NFIA: variants seen among roughly 807,000 people sequenced by gnomAD.
NFIA encodes the protein nuclear factor 1 A-type.
Under a neutral mutation model 62.8 loss-of-function variants are expected in NFIA, and 8 were observed. That is an observed-to-expected ratio of 0.13 (90% CI 0.07 to 0.23). The LOEUF is 0.23. NFIA is among the 10% of genes least tolerant of loss of function. The pLI, the probability that NFIA is intolerant of heterozygous loss-of-function variation, is 1.00. For missense variants in NFIA, 410 were observed against 642.1 expected, an observed-to-expected ratio of 0.64 and a Z score of 3.91; for synonymous variants, 235 against 238.1, an observed-to-expected ratio of 0.99 and a Z score of 0.12.
intron 2 of NFIA, among the ~76,000 whole-genome samples, chr1:61,150,505 T>C (rs1648322160): frequency 6.6e-6 from 1 of 152,204 alleles, no homozygotes; most frequent in African/African-American, 2.4e-5. Context: ...AGAAATTCTA[T>C]AACTAGAAAT....
intron 10 of NFIA, among the ~76,000 whole-genome samples, chr1:61,433,128 A>G (rs1423808676): frequency 6.6e-6 from 1 of 152,210 alleles, no homozygotes; most frequent in African/African-American, 2.4e-5. Flanking sequence ...ACACTCTTAT[A>G]TCAAGGAATC....
intron 4 of NFIA, among the ~76,000 whole-genome samples, chr1:61,351,382 A>G (rs1046757543): frequency 6.6e-6 from 1 of 152,224 alleles, no homozygotes; most frequent in African/African-American, 2.4e-5. Flanking sequence ...TCCCTGGTTC[A>G]TGATAACCCT....
intron 2 of NFIA, among the ~76,000 whole-genome samples, chr1:61,154,575 T>C (rs531985912): frequency 6.6e-6 from 1 of 152,306 alleles, no homozygotes; most frequent in Admixed American, 6.5e-5. Context: ...CTCAGCCTCC[T>C]GAGTAACTGG....
intron 9 of NFIA, among the ~76,000 whole-genome samples, chr1:61,413,580 C>T (rs1015862354): frequency 1.4e-5 from 2 of 145,792 alleles, no homozygotes; most frequent in African/African-American, 5.1e-5. Context: ...CAGCTGTCTG[C>T]TACTGTCAGA....
At chr1:61,167,011 C>T (rs889421157) in intron 2 of NFIA, among the ~76,000 whole-genome samples, 1 of 152,076 alleles carries the variant, frequency 6.6e-6, no homozygotes, top group Non-Finnish European at 1.5e-5. Flanking sequence ...CGAGGTGGCA[C>T]ACACCTGTAA....
intron 2 of NFIA, among the ~76,000 whole-genome samples, chr1:61,116,968 T>A (rs1055422413): frequency 2.0e-5 from 3 of 152,234 alleles, no homozygotes; most frequent in Non-Finnish European, 4.4e-5. Context: ...ATGCCTTTTT[T>A]ATGACAAGAA....
intron 10 of NFIA, among the ~76,000 whole-genome samples, chr1:61,428,540 C>T (rs527633382): frequency 2.8e-4 from 42 of 151,518 alleles, no homozygotes; most frequent in Non-Finnish European, 5.0e-4. Flanking sequence ...GTCATTTTTC[C>T]CCCAAAAAAA....
chr1:61,149,377 C>A (rs948645195), intron 2 of NFIA, among the ~76,000 whole-genome samples: 4 of 152,142 alleles, frequency 2.6e-5, no homozygotes, highest in Admixed American at 6.5e-5. Flanking sequence ...CTTCTTTTGG[C>A]CTTCATAGCT....
At chr1:61,306,130 G>GTGA (rs1659770633) in intron 3 of NFIA, among the ~76,000 whole-genome samples, 1 of 151,542 alleles carries the variant, frequency 6.6e-6, no homozygotes, top group South Asian at 2.1e-4. Context: ...GATTACAGGC[G>GTGA]TGAGCCACCG....
At chr1:61,159,649 G>T (rs111397291) in intron 2 of NFIA, among the ~76,000 whole-genome samples, 14 of 143,634 alleles carry the variant, frequency 9.7e-5, no homozygotes, top group African/African-American at 2.6e-4. Flanking sequence ...TCATTGGGTT[G>T]TTATGAGAAT....
At chr1:61,431,484 T>C (rs1667094300) in intron 10 of NFIA, among the ~76,000 whole-genome samples, 1 of 152,264 alleles carries the variant, frequency 6.6e-6, no homozygotes, top group South Asian at 2.1e-4. Flanking sequence ...AGTATCATGG[T>C]ACCCAAAATG....
intron 3 of NFIA, among the ~76,000 whole-genome samples, chr1:61,292,254 A>G (rs1297667503): frequency 2.0e-5 from 3 of 152,206 alleles, no homozygotes; most frequent in African/African-American, 4.8e-5. Context: ...ATTCTAGACT[A>G]TGTGCTCCCT....
chr1:61,168,031 G>A (rs1356740636), intron 2 of NFIA, among the ~76,000 whole-genome samples: 2 of 152,190 alleles, frequency 1.3e-5, no homozygotes, highest in Admixed American at 1.3e-4. Flanking sequence ...CCATCAGAGG[G>A]CTAGTGGGTC....
At chr1:61,264,411 AG>A (rs1657003471) in intron 2 of NFIA, among the ~76,000 whole-genome samples, 1 of 152,128 alleles carries the variant, frequency 6.6e-6, no homozygotes. Flanking sequence ...CAGGAGGCTG[AG>A]GCGGGTGGAT....
chr1:61,427,814 T>TATTAAA (rs1489280876), intron 10 of NFIA, among the ~76,000 whole-genome samples: 4 of 152,324 alleles, frequency 2.6e-5, no homozygotes, highest in African/African-American at 9.6e-5. Context: ...CTGGCCTGCA[T>TATTAAA]ATGGCGTCTG....
At chr1:61,388,179 G>C (rs1466673470) in intron 7 of NFIA, among the ~76,000 whole-genome samples, 4 of 152,154 alleles carry the variant, frequency 2.6e-5, no homozygotes, top group Admixed American at 2.0e-4. Context: ...GGTTATTTGG[G>C]AATATCCTAT....
In NFIA at chr1:61,198,380, A is replaced by G. The variant is rs142210818; in HGVS notation, c.560-79140A>G. Among the ~76,000 whole-genome samples the G allele has an allele frequency of 1.2e-3, 185 of 152,268 alleles. 2 individuals are homozygous for G. The Middle Eastern group carries it at 0.014, about 11-fold the overall frequency. On this transcript the variant is annotated intron_variant, in intron 2 of 10. Coordinates refer to ENST00000403491, the MANE Select transcript of NFIA (RefSeq NM_001134673.4). ...AGGGCTTCCTTCTGATTGACTTTGG[A>G]GCAGGTAACACAGAGCTCTTGATGG...
In NFIA at chr1:61,315,393, T is replaced by C. The variant is rs987385673; in HGVS notation, c.626-17119T>C. Among the ~76,000 whole-genome samples the C allele has an allele frequency of 2.6e-4, 39 of 152,208 alleles. 1 individual carries two copies. Among genetic ancestry groups the C allele is most frequent in the African/African-American group, 9.4e-4 (39 of 41,466 alleles). On this transcript the variant is annotated intron_variant, in intron 3 of 10. Coordinates refer to ENST00000403491, the MANE Select transcript of NFIA (RefSeq NM_001134673.4). The stretch of plus-strand genomic sequence containing the variant: ...ACTCGCATACATATATGTTTGTGTA[T>C]ACATGCATAAACATGGTACTTTGCA...
intron 7 of NFIA, among the ~76,000 whole-genome samples, chr1:61,384,825 C>G (rs1380515638): frequency 6.6e-6 from 1 of 152,172 alleles, no homozygotes; most frequent in Non-Finnish European, 1.5e-5. Context: ...GGTTCATTCA[C>G]TCTTTAAACA....
Sources: allele counts gnomAD v4.1 joint callset (sites outside exome capture counted in the v4.1 genomes callset), GRCh38; gene constraint gnomAD v4.1.1; transcripts MANE v1.5; gene names NCBI Gene and HGNC (gene_info 2026-07-23, HGNC 2026-07-21).